Variants in ARMC9 observed in about 807,000 individuals in gnomAD.
ARMC9 encodes the protein armadillo repeat containing 9.
In ARMC9, 94 loss-of-function variants were observed where a neutral mutation model predicts 107.0. The observed-to-expected ratio is 0.88, with a 90% CI of 0.74 to 1.04. The LOEUF (loss-of-function observed/expected upper bound fraction) is 1.04, where lower values mean the gene tolerates loss of function less well. Ranked by LOEUF, ARMC9 falls within the 50% of genes least tolerant of loss-of-function variation. ARMC9 has a pLI of 0.00. For missense variants in ARMC9, 942 were observed against 1,030.1 expected (o/e 0.91, Z 1.17); for synonymous variants, 380 against 396.9 (o/e 0.96, Z 0.51).
chr2:231,201,201 G>T (rs2030888038), intron 1 of ARMC9, among the ~76,000 whole-genome samples: 1 of 152,174 alleles, frequency 6.6e-6, no homozygotes, highest in Non-Finnish European at 1.5e-5. Flanking sequence ...GGCTGGTGTG[G>T]TGCATGGGGA....
At chr2:231,259,160 G>T in intron 11 of ARMC9, 58 bp downstream of exon 11, 6 of 1,406,130 alleles carry the variant, frequency 4.3e-6, no homozygotes, top group Non-Finnish European at 6.0e-6. Flanking sequence ...GGTTTTCTTG[G>T]CTGGCTACCT....
At chr2:231,207,808 A>G (rs988324700) in intron 2 of ARMC9, among the ~76,000 whole-genome samples, 2 of 152,176 alleles carry the variant, frequency 1.3e-5, no homozygotes, top group Non-Finnish European at 2.9e-5. Context: ...AGGAACCTCC[A>G]TACAGTTTTC....
At chr2:231,293,326 T>G (rs2041147664) in intron 18 of ARMC9, among the ~76,000 whole-genome samples, 1 of 152,138 alleles carries the variant, frequency 6.6e-6, no homozygotes, top group Non-Finnish European at 1.5e-5. Flanking sequence ...GGCCACGGTG[T>G]GGGGGCGGAG....
rs149697104 is a variant in ARMC9, at chr2:231,270,982, A to G, written c.1120A>G (p.Arg374Gly). ...DLLDCYSHNQ[R>G]SVLQLLHSTS... The stretch of plus-strand genomic sequence containing the variant: ...TTTTCCTCTTGACGTTTTCCCCCAG[A>G]GGAGTGTGCTTCAGTTGCTGCACTC... Residue 374 changes from arginine to glycine, a missense_variant and splice_region_variant, in exon 13 of 25, where the codon AGG becomes GGG. Arg to Gly is a moderately radical substitution (Grantham distance 125). Transcript: ENST00000611582. 12 of 1,614,042 alleles carry G rather than the reference A, an allele frequency of 7.4e-6. No homozygotes were observed. The highest frequency in any genetic ancestry group is 8.5e-6 in the Non-Finnish European group (10 of 1,179,950).
intron 19 of ARMC9, among the ~76,000 whole-genome samples, chr2:231,302,152 A>G (rs1013743890): frequency 2.0e-5 from 3 of 152,068 alleles, no homozygotes; most frequent in African/African-American, 4.8e-5. Context: ...AAAGAAAAAC[A>G]TATATGTTTA....
At chr2:231,234,656 G>A (rs1210358744) in intron 7 of ARMC9, among the ~76,000 whole-genome samples, 1 of 152,032 alleles carries the variant, frequency 6.6e-6, no homozygotes, top group African/African-American at 2.4e-5. Flanking sequence ...CAGGCTGGAG[G>A]ACAGTGGCGC....
At position 231,374,752 on chromosome 2, in the gene ARMC9, C is replaced by A. The variant is rs1485439612; in HGVS notation, c.*3217C>A. 6.6e-6 allele frequency: 1 copy of A among 152,152 alleles called. No homozygotes were observed. The highest frequency in any genetic ancestry group is 1.5e-5 in the Non-Finnish European group (1 of 68,026). 9.4% of individuals were successfully genotyped at this position (152,152 alleles called of 1,614,324 possible). Reference sequence around the variant, plus strand: ...CCCAGTTTTAATAAAACTGTATTTACAAAATAGGCAGCTGGGACGTGGACC... The same window carrying A: ...CCCAGTTTTAATAAAACTGTATTTAAAAAATAGGCAGCTGGGACGTGGACC... On this transcript the variant is annotated 3_prime_UTR_variant, in exon 25 of 25. Coordinates refer to ENST00000611582, the MANE Select transcript of ARMC9 (RefSeq NM_001352754.2).
chr2:231,228,441 C>T (rs907659697), intron 7 of ARMC9, among the ~76,000 whole-genome samples: 1 of 152,226 alleles, frequency 6.6e-6, no homozygotes, highest in Non-Finnish European at 1.5e-5. Flanking sequence ...CGTGGGGTCT[C>T]AGCAGAGGCC....
rs867514952 is a variant in ARMC9, at chr2:231,247,633, G to T, written c.879+7592G>T. Among the ~76,000 whole-genome samples the T allele has an allele frequency of 7.0e-4, 106 of 152,268 alleles. 1 individual carries two copies. In the Middle Eastern group the frequency reaches 0.034, roughly 49 times the overall value. ...CCCAGACCAACCTGGTGATGAGAGG[G>T]TTTAACACCTTTGTAGGCCGGGTGC... On this transcript the variant is annotated intron_variant, in intron 9 of 24. Transcript: ENST00000611582.
chr2:231,292,167 C>CA (rs1248110796), intron 18 of ARMC9, among the ~76,000 whole-genome samples: 2,597 of 55,610 alleles, frequency 0.047, 41 homozygotes, highest in African/African-American at 0.072. Context: ...AACTCCTTCT[C>CA]AAAAAAAAAA....
chr2:231,262,123 G>A (rs781393289), intron 11 of ARMC9, among the ~76,000 whole-genome samples, 183 bp from the exon 12 acceptor site: 3 of 151,938 alleles, frequency 2.0e-5, no homozygotes, highest in Admixed American at 6.6e-5. Flanking sequence ...TGCCCGGCCC[G>A]CATCATAGGT....
At position 231,295,285 on chromosome 2, in the gene ARMC9, G is replaced by A. The variant is rs1449670784; in HGVS notation, c.1718-913G>A. ...CCAGGGACTCACAGTTCAGTGCAGTGGGTGAGAGACGAGTCAGTAAGCATT... is the reference window on the plus strand; with the variant it reads ...CCAGGGACTCACAGTTCAGTGCAGTAGGTGAGAGACGAGTCAGTAAGCATT... On this transcript the variant is annotated intron_variant, in intron 18 of 24. Coordinates refer to ENST00000611582, the MANE Select transcript of ARMC9 (RefSeq NM_001352754.2). The A allele has an allele frequency of 1.3e-5, 2 of 152,324 alleles. 1 individual carries two copies. The highest frequency in any genetic ancestry group is 2.9e-5 in the Non-Finnish European group (2 of 68,100). The allele number at this position is 152,324 out of a possible 1,614,324, so 9.4% of individuals were successfully genotyped here. A position where few individuals can be genotyped will look rare whatever the true frequency, so the allele number is the denominator to read the frequency against.
intron 18 of ARMC9, chr2:231,294,726 G>A (rs973771025): frequency 2.0e-5 from 3 of 152,198 alleles, no homozygotes; most frequent in African/African-American, 7.2e-5. Context: ...GAAAATGAGC[G>A]GTTTATAACT....
chr2:231,219,956 G>A (rs866767100), intron 5 of ARMC9, among the ~76,000 whole-genome samples: 4 of 152,080 alleles, frequency 2.6e-5, no homozygotes, highest in East Asian at 1.9e-4. Flanking sequence ...TCAGCCTCCC[G>A]AGTAGCTAGA....
chr2:231,199,190 C>T (rs1414485630), intron 1 of ARMC9, among the ~76,000 whole-genome samples: 2 of 152,224 alleles, frequency 1.3e-5, no homozygotes, highest in African/African-American at 2.4e-5. Context: ...TTTGTGGGCC[C>T]TAAATCTTTC....
At chr2:231,270,924 CGT>C (rs1245017150) in intron 12 of ARMC9, 56 bp from the exon 13 acceptor site, 1 of 1,441,124 alleles carries the variant, frequency 6.9e-7, no homozygotes, top group African/African-American at 1.4e-5. Context: ...GAAGAGGAGG[CGT>C]GTGTTTATCT....
chr2:231,217,325 T>C (rs2033620975), intron 5 of ARMC9, among the ~76,000 whole-genome samples: 1 of 152,190 alleles, frequency 6.6e-6, no homozygotes, highest in Non-Finnish European at 1.5e-5. Flanking sequence ...GGCTTACACG[T>C]GTAATCCCAG....
In ARMC9 at chr2:231,234,857, C is replaced by T. The variant is rs572908931; in HGVS notation, c.623-367C>T. The stretch of plus-strand genomic sequence containing the variant: ...CTGGCCTCAAGTGATCTGCCCGCCT[C>T]GGCCTCCCAAAGTGTTGGGATTACA... On this transcript the variant is annotated intron_variant, in intron 7 of 24. Coordinates refer to ENST00000611582, the MANE Select transcript of ARMC9 (RefSeq NM_001352754.2). Among the ~76,000 whole-genome samples the T allele has an allele frequency of 3.4e-3, 514 of 152,372 alleles. 6 individuals carry two copies. Among genetic ancestry groups the T allele is most frequent in the African/African-American group, 0.012 (492 of 41,588 alleles).
rs189025902 is a variant in ARMC9, at chr2:231,255,977, T to C, written c.880-609T>C. 324 of 967,492 alleles carry C rather than the reference T, an allele frequency of 3.3e-4. No homozygotes were observed. The African/African-American group carries it at 4.7e-3, about 14-fold the overall frequency. 59.9% of individuals were successfully genotyped at this position (967,492 alleles called of 1,614,324 possible). On this transcript the variant is annotated intron_variant, in intron 9 of 24. Transcript: ENST00000611582. The surrounding 1 kb of genome is among the most constrained non-coding windows in gnomAD (Gnocchi z 4.7). ...ATGGCGTGAACCCGGTAGGCGGAGG[T>C]TGCGGTGAGCCAAGATTGCGCCACT...
Sources: gnomAD v4.1 joint callset for allele counts (sites outside exome capture counted in the v4.1 genomes callset) on GRCh38, gnomAD v4.1.1 for gene constraint, Gnocchi (gnomAD v3.1) non-coding constraint, MANE v1.5 for transcripts, NCBI Gene and HGNC (gene_info 2026-07-23, HGNC 2026-07-21) for gene names.